KIF12: variants seen among roughly 807,000 people sequenced by gnomAD.
The protein encoded by KIF12 is kinesin family member 12.
A neutral mutation model predicts 87.9 loss-of-function variants in KIF12; 80 were observed. The ratio of observed to expected loss-of-function variants is 0.91; its 90% confidence interval spans 0.76 to 1.10. The LOEUF (loss-of-function observed/expected upper bound fraction) is 1.10, where lower values mean the gene tolerates loss of function less well. Ranked by LOEUF, KIF12 falls within the 50% of genes least tolerant of loss-of-function variation. The pLI is 0.00. For missense variants in KIF12, 819 were observed against 865.3 expected, an observed-to-expected ratio of 0.95 and a Z score of 0.67; for synonymous variants, 353 against 348.5, an observed-to-expected ratio of 1.01 and a Z score of -0.14.
chr9:114,093,695 A>C (rs2134882222), intron 14 of KIF12, among the ~76,000 whole-genome samples, 191 bp downstream of exon 14: 1 of 152,368 alleles, frequency 6.6e-6, no homozygotes, highest in Admixed American at 6.5e-5. Flanking sequence ...CCCATCTTAC[A>C]GAAGAGGAAA....
chr9:114,094,562 T>A, intron 11 of KIF12, 107 bp from the exon 12 acceptor site: 1 of 668,338 alleles, frequency 1.5e-6, no homozygotes, highest in South Asian at 1.8e-5. Context: ...CAGCCCATGC[T>A]TCATTCGTCA....
Position 114,097,300 on chromosome 9 carries a change from C to G in KIF12, c.646+1G>C, listed in dbSNP as rs1847272983. ...CAAAACTCCCCGCTGTCAGCACACACCCGTTTGCAAAAGTTCCATCAGGGC... is the reference window on the plus strand; with the variant it reads ...CAAAACTCCCCGCTGTCAGCACACAGCCGTTTGCAAAAGTTCCATCAGGGC... On this transcript the variant is annotated splice_donor_variant, in intron 7 of 18. Transcript: ENST00000640217. LOFTEE classifies it high-confidence loss of function. 1.2e-6 allele frequency: 2 copies of G among 1,609,642 alleles called. No homozygotes were observed. The highest frequency in any genetic ancestry group is 1.7e-6 in the Non-Finnish European group (2 of 1,178,960).
At position 114,099,160 on chromosome 9, in the gene KIF12, C is replaced by T. The variant is rs1423555754; in HGVS notation, c.36G>A (p.Ala12=). The T allele has an allele frequency of 1.3e-6, 2 of 1,550,712 alleles. No homozygotes were observed. Among genetic ancestry groups the T allele is most frequent in the Admixed American group, 2.0e-5 (1 of 51,002 alleles). ...EERGSPDGDL[A]RSLEQGPEGP... Reference sequence around the variant, plus strand: ...CCTCTGGCCCTTGCTCCAGGCTCCGCGCGAGATCCCTGTGGGCAGCAATGC... The same window carrying T: ...CCTCTGGCCCTTGCTCCAGGCTCCGTGCGAGATCCCTGTGGGCAGCAATGC... The change falls in exon 2 of 19, where the codon GCG becomes GCA. Residue 12 remains alanine, a synonymous_variant. Coordinates refer to ENST00000640217, the MANE Select transcript of KIF12 (RefSeq NM_001388308.1).
At chr9:114,099,050 T>A (rs772364423) in intron 2 of KIF12, 37 bp from the exon 3 acceptor site, 7 of 1,550,350 alleles carry the variant, frequency 4.5e-6, no homozygotes, top group Middle Eastern at 1.7e-4. Context: ...TACATCCTGA[T>A]GTCTTCCTCG....
chr9:114,098,078 GC>G, intron 5 of KIF12, 36 bp downstream of exon 5: 1 of 1,535,678 alleles, frequency 6.5e-7, no homozygotes, highest in Non-Finnish European at 8.8e-7. Context: ...AGCCCACCCA[GC>G]CCCGCCCCGC....
rs1195197156 is a variant in KIF12, at chr9:114,098,124, G to T, written c.366C>A (p.Pro122=). 8 of 1,547,722 alleles carry T rather than the reference G, an allele frequency of 5.2e-6. No individual in the cohort carries two copies. In the South Asian group the frequency reaches 8.3e-5, roughly 16 times the overall value. Residue 122 remains proline, a synonymous_variant, in exon 5 of 19, where the codon CCC becomes CCA. Coordinates refer to ENST00000640217, the MANE Select transcript of KIF12 (RefSeq NM_001388308.1). Reference sequence around the variant, plus strand: ...GCCGGCGCTCGCTCACCTGGGGAGGGGGTCCAGTCAGGGTGTAGGTCTTCC... The same window carrying T: ...GCCGGCGCTCGCTCACCTGGGGAGGTGGTCCAGTCAGGGTGTAGGTCTTCC... The part of the protein sequence containing the change: ...GSGKTYTLTG[P]PPQGEGVPVP...
At chr9:114,093,037 G>A (rs1333155551) in intron 16 of KIF12, 192 bp downstream of exon 16, 1 of 1,201,806 alleles carries the variant, frequency 8.3e-7, no homozygotes, top group South Asian at 1.6e-5. Context: ...CCCTGACAGG[G>A]CAGGGTGAGG....
rs1381916099 is a variant in KIF12, at chr9:114,096,150, A to G, written c.796T>C (p.Phe266Leu). 1 of 1,613,956 alleles carries G rather than the reference A, an allele frequency of 6.2e-7. No individual in the cohort carries two copies. The highest frequency in any genetic ancestry group is 1.3e-5 in the African/African-American group (1 of 75,044). ...GEPPVGGKLC[F>L]VDLAGSEKVA... is the part of the protein sequence containing the mutation. ...TTCTCACTGCCTGCCAGGTCCACAA[A>G]GCACAGCTTCCCACCAACAGGGGGC... Residue 266 changes from phenylalanine (F) to leucine (L), a missense_variant, in exon 9 of 19, where the codon TTT (phenylalanine) becomes CTT (leucine). Physicochemically the swap from Phe to Leu is conservative, Grantham distance 22. Transcript: ENST00000640217.
intron 5 of KIF12, 103 bp downstream of exon 5, chr9:114,098,012 C>A (rs1847307815): frequency 2.5e-6 from 3 of 1,188,746 alleles, no homozygotes; most frequent in African/African-American, 1.6e-5. Context: ...CAGGCGGCGT[C>A]GTCCCAGCCC....
In KIF12 at chr9:114,096,091, C is replaced by G. The variant is rs1352966158; in HGVS notation, c.855G>C (p.Met285Ile). The G allele has an allele frequency of 3.1e-6, 5 of 1,613,632 alleles. No homozygotes were observed. Among genetic ancestry groups the G allele is most frequent in the Non-Finnish European group, 4.2e-6 (5 of 1,179,982 alleles). ...TTCGGTTGATGCTGTTAGCCTCAAGCATCAGCTCCCCACGGGATCCCGTGG... is the reference window on the plus strand; with the variant it reads ...TTCGGTTGATGCTGTTAGCCTCAAGGATCAGCTCCCCACGGGATCCCGTGG... ...VAATGSRGEL[M>I]LEANSINRSL... Residue 285 changes from methionine (M) to isoleucine (I), a missense_variant, in exon 9 of 19, where the codon ATG (methionine) becomes ATC (isoleucine). Physicochemically the swap from Met to Ile is conservative, Grantham distance 10. Coordinates refer to ENST00000640217, the MANE Select transcript of KIF12 (RefSeq NM_001388308.1).
rs1440371003 is a variant in KIF12, at chr9:114,098,962, C to A, written c.144G>T (p.Leu48=). The A allele has an allele frequency of 1.3e-6, 2 of 1,550,036 alleles. No homozygotes were observed. The highest frequency in any genetic ancestry group is 2.7e-5 in the African/African-American group (2 of 73,004). ...AELRRGQQSV[L]HCSGTRTLQV... ...GCAGAGTCCGGGTCCCTGAGCAGTG[C>A]AGCACGCTCTGCTGCCCTCGACGCA... Residue 48 remains leucine (L), a synonymous_variant, in exon 3 of 19, where the codon CTG becomes CTT. Coordinates refer to ENST00000640217, the MANE Select transcript of KIF12 (RefSeq NM_001388308.1).
chr9:114,094,430 C>G lies in KIF12; in HGVS notation c.1145G>C (p.Arg382Pro). ...PKSPVAKQPQ[R>P]LETEMLQLQE... is the part of the protein sequence containing the mutation. ...GAGCTGCAGCATCTCTGTCTCCAAA[C>G]GCTGGGGCTGCTTTGCCACAGGAGA... Residue 382 changes from arginine to proline, a missense_variant, in exon 12 of 19, where the codon CGT becomes CCT. Physicochemically the swap from Arg to Pro is moderately radical, Grantham distance 103. Transcript: ENST00000640217. The G allele has an allele frequency of 2.5e-6, 4 of 1,613,670 alleles. No homozygotes were observed. The highest frequency in any genetic ancestry group is 3.4e-6 in the Non-Finnish European group (4 of 1,179,646).
chr9:114,097,804 T>C, intron 5 of KIF12, 63 bp from the exon 6 acceptor site: 2 of 1,530,596 alleles, frequency 1.3e-6, no homozygotes, highest in Non-Finnish European at 1.8e-6. Context: ...CTGTAGCGCA[T>C]GTATGATACC....
chr9:114,092,726 C>T, intron 16 of KIF12, 84 bp from the exon 17 acceptor site: 1 of 1,517,320 alleles, frequency 6.6e-7, no homozygotes, highest in East Asian at 2.4e-5. Context: ...CCATGACACC[C>T]CACCATGCCT....
intron 18 of KIF12, 118 bp downstream of exon 18, chr9:114,092,215 A>G (rs1026792210): frequency 6.7e-7 from 1 of 1,491,824 alleles, no homozygotes; most frequent in African/African-American, 1.4e-5. Context: ...GAAAGATCTT[A>G]GAAGCCACCT....
At chr9:114,094,106 G>T in intron 13 of KIF12, 75 bp downstream of exon 13, 1 of 1,489,730 alleles carries the variant, frequency 6.7e-7, no homozygotes. Context: ...GCAGGGAGAG[G>T]AGGCAGTTTG....
Position 114,093,348 on chromosome 9 carries a change from G to A in KIF12, c.1492-15C>T, listed in dbSNP as rs368073735. 7.4e-4 allele frequency: 1,145 copies of A among 1,555,366 alleles called. No homozygotes were observed. Among genetic ancestry groups the A allele is most frequent in the Non-Finnish European group, 8.9e-4 (1,025 of 1,148,890 alleles). On this transcript the variant is annotated splice_polypyrimidine_tract_variant and intron_variant, in intron 15 of 18. Coordinates refer to ENST00000640217, the MANE Select transcript of KIF12 (RefSeq NM_001388308.1). ...GGTGGCAGTGCCTGCAAAAAGGTGCGTCAGAGGCTCCATGACATCCCTACT... is the reference window on the plus strand; with the variant it reads ...GGTGGCAGTGCCTGCAAAAAGGTGCATCAGAGGCTCCATGACATCCCTACT...
chr9:114,094,807 T>C (rs1281812624), intron 11 of KIF12, among the ~76,000 whole-genome samples: 1 of 152,078 alleles, frequency 6.6e-6, no homozygotes, highest in Non-Finnish European at 1.5e-5. Flanking sequence ...ATATCCCAAC[T>C]CAAACTCCAA....
chr9:114,098,198 C>A lies in KIF12; in HGVS notation c.300-8G>T, dbSNP rs1285115910. On this transcript the variant is annotated splice_polypyrimidine_tract_variant and splice_region_variant and intron_variant, in intron 4 of 18. Transcript: ENST00000640217. The stretch of plus-strand genomic sequence containing the variant: ...AAAACAGTGCAGGAGAAACTGCGGG[C>A]GGCAAGGGCGTGGCTGGACTCCGGC... 3 of 1,542,824 alleles carry A rather than the reference C, an allele frequency of 1.9e-6. No homozygotes were observed. Among genetic ancestry groups the A allele is most frequent in the Non-Finnish European group, 1.7e-6 (2 of 1,144,576 alleles).
Sources: allele counts gnomAD v4.1 joint callset (sites outside exome capture counted in the v4.1 genomes callset), GRCh38; gene constraint gnomAD v4.1.1; transcripts MANE v1.5; gene names NCBI Gene and HGNC (gene_info 2026-07-23, HGNC 2026-07-21).